FUT9: variants seen among roughly 807,000 people sequenced by gnomAD.
FUT9 encodes the protein fucosyltransferase 9, also known as 4-galactosyl-N-acetylglucosaminide 3-alpha-L-fucosyltransferase 9.
A neutral mutation model predicts 29.7 loss-of-function variants in FUT9; 15 were observed. The observed-to-expected ratio is 0.51, with a 90% CI of 0.34 to 0.78. FUT9 has a LOEUF of 0.78. Ranked by LOEUF, FUT9 falls within the 30% of genes least tolerant of loss-of-function variation. The pLI is 0.01. For synonymous variants in FUT9, 169 were observed against 153.7 expected (o/e 1.10, Z -0.74); for missense variants, 319 against 425.4 (o/e 0.75, Z 2.20).
At chr6:96,092,208 T>G (rs1263237280) in intron 1 of FUT9, among the ~76,000 whole-genome samples, 1 of 152,112 alleles carries the variant, frequency 6.6e-6, no homozygotes, top group Non-Finnish European at 1.5e-5. Context: ...AATATCGATC[T>G]AAACAGCAGG....
chr6:96,202,365 T>A (rs987793505), intron 2 of FUT9, among the ~76,000 whole-genome samples: 2 of 152,152 alleles, frequency 1.3e-5, no homozygotes, highest in Non-Finnish European at 2.9e-5. Context: ...AAAACTTTTT[T>A]AAAGCCCTTA....
chr6:96,062,305 A>G (rs1333207929), intron 1 of FUT9, among the ~76,000 whole-genome samples: 1 of 152,142 alleles, frequency 6.6e-6, no homozygotes, highest in East Asian at 1.9e-4. Flanking sequence ...AAAAAGATAT[A>G]GGAAGTAAAT....
chr6:96,156,299 C>A (rs924739117), intron 2 of FUT9, among the ~76,000 whole-genome samples: 3 of 152,074 alleles, frequency 2.0e-5, no homozygotes, highest in Admixed American at 6.6e-5. Context: ...CCCCTTGGAG[C>A]CTTTGGTTCA....
chr6:96,159,456 A>G (rs577377804), intron 2 of FUT9, among the ~76,000 whole-genome samples: 75 of 152,294 alleles, frequency 4.9e-4, no homozygotes, highest in African/African-American at 1.8e-3. Context: ...TAAATTATTA[A>G]GATGGGTTCT....
rs866791657 is a variant in FUT9, at chr6:96,035,665, T to C, written c.-98+19453T>C. Among the ~76,000 whole-genome samples the C allele has an allele frequency of 4.9e-5, 5 of 101,976 alleles. No homozygotes were observed. The East Asian group carries it at 1.3e-3, about 26-fold the overall frequency. 66.9% of individuals were successfully genotyped at this position (101,976 alleles called of 152,430 possible). On this transcript the variant is annotated intron_variant, in intron 1 of 2. Transcript: ENST00000302103. The stretch of plus-strand genomic sequence containing the variant: ...TATATTTATTATACTAATATAATAT[T>C]ATATTAAAATATAATATTATATTTA...
At chr6:96,060,209 G>T (rs1770848364) in intron 1 of FUT9, among the ~76,000 whole-genome samples, 1 of 151,910 alleles carries the variant, frequency 6.6e-6, no homozygotes, top group African/African-American at 2.4e-5. Context: ...CTCACTTATG[G>T]GGAGCCATCC....
chr6:96,044,111 A>C lies in FUT9; in HGVS notation c.-98+27899A>C, dbSNP rs530232116. ...ATGAAAGAACAAAAATACCATAGGCATTATAACTGACAAAATTTTTGTACA... is the reference window on the plus strand; with the variant it reads ...ATGAAAGAACAAAAATACCATAGGCCTTATAACTGACAAAATTTTTGTACA... On this transcript the variant is annotated intron_variant, in intron 1 of 2. Transcript: ENST00000302103. 1.7e-3 allele frequency among the ~76,000 whole-genome samples: 252 copies of C among 152,378 alleles called. 1 individual carries two copies. Among genetic ancestry groups the C allele is most frequent in the African/African-American group, 5.6e-3 (234 of 41,588 alleles).
At chr6:96,184,406 T>C (rs1355284122) in intron 2 of FUT9, among the ~76,000 whole-genome samples, 2 of 151,990 alleles carry the variant, frequency 1.3e-5, no homozygotes, top group Non-Finnish European at 2.9e-5. Context: ...TTTTTTGTTT[T>C]ATATATCTTT....
chr6:96,022,942 C>G (rs988752643), intron 1 of FUT9, among the ~76,000 whole-genome samples: 5 of 151,954 alleles, frequency 3.3e-5, no homozygotes, highest in Admixed American at 2.6e-4. Context: ...AAGCTGCTTA[C>G]GTTTTCCTGG....
intron 1 of FUT9, among the ~76,000 whole-genome samples, chr6:96,041,085 T>C (rs1770451568): frequency 6.6e-6 from 1 of 151,780 alleles, no homozygotes; most frequent in Admixed American, 6.6e-5. Context: ...TCCCGGTTTA[T>C]GCCTTTCCCC....
chr6:96,062,367 A>G (rs1770890608), intron 1 of FUT9, among the ~76,000 whole-genome samples: 1 of 30,818 alleles, frequency 3.2e-5, no homozygotes, highest in Non-Finnish European at 7.7e-5. Flanking sequence ...AATGATATTC[A>G]AGTTGATAAA....
chr6:96,197,215 G>A (rs939948939), intron 2 of FUT9, among the ~76,000 whole-genome samples: 4 of 152,142 alleles, frequency 2.6e-5, no homozygotes, highest in Non-Finnish European at 5.9e-5. Flanking sequence ...ACCCACTGCA[G>A]AAATGAATCA....
rs182559211 is a variant in FUT9, at chr6:96,058,971, A to G, written c.-98+42759A>G. Among the ~76,000 whole-genome samples the G allele has an allele frequency of 5.1e-3, 781 of 152,336 alleles. 6 individuals carry two copies. Among genetic ancestry groups the G allele is most frequent in the Non-Finnish European group, 5.7e-3 (387 of 68,028 alleles). ...ATCTGATGTATCACTTTAGAAAAAC[A>G]GTAATGGCAGTTGCATTTGCCAGGA... On this transcript the variant is annotated intron_variant, in intron 1 of 2. Transcript: ENST00000302103.
chr6:96,146,899 CCT>C (rs1772578111), intron 2 of FUT9, among the ~76,000 whole-genome samples: 1 of 152,148 alleles, frequency 6.6e-6, no homozygotes, highest in Admixed American at 6.5e-5. Flanking sequence ...CTGAAAATTC[CCT>C]GTCTTTGAAT....
intron 2 of FUT9, among the ~76,000 whole-genome samples, chr6:96,166,323 T>C (rs1353236469): frequency 1.3e-5 from 2 of 152,220 alleles, no homozygotes; most frequent in Non-Finnish European, 2.9e-5. Flanking sequence ...AGTCTATACA[T>C]TGTCAGTTGT....
At chr6:96,127,928 C>A (rs1037873881) in intron 2 of FUT9, among the ~76,000 whole-genome samples, 1 of 152,002 alleles carries the variant, frequency 6.6e-6, no homozygotes, top group Admixed American at 6.6e-5. Flanking sequence ...GGATATTAGA[C>A]CTTTATCAGA....
intron 2 of FUT9, among the ~76,000 whole-genome samples, chr6:96,197,631 C>T (rs180918432): frequency 1.3e-5 from 2 of 152,242 alleles, no homozygotes; most frequent in African/African-American, 4.8e-5. Context: ...TAATAGTACA[C>T]ATACACAAAA....
At chr6:96,198,294 A>G (rs1389189840) in intron 2 of FUT9, among the ~76,000 whole-genome samples, 3 of 141,880 alleles carry the variant, frequency 2.1e-5, no homozygotes, top group Non-Finnish European at 4.6e-5. Flanking sequence ...CAGTCCCCAG[A>G]GTGTGATGTT....
At chr6:96,133,529 C>G (rs1772290293) in intron 2 of FUT9, among the ~76,000 whole-genome samples, 1 of 151,820 alleles carries the variant, frequency 6.6e-6, no homozygotes, top group African/African-American at 2.4e-5. Context: ...GGAACCCTGA[C>G]CAAAATTATT....
Sources: allele counts gnomAD v4.1 joint callset (sites outside exome capture counted in the v4.1 genomes callset), GRCh38; gene constraint gnomAD v4.1.1; transcripts MANE v1.5; gene names NCBI Gene and HGNC (gene_info 2026-07-23, HGNC 2026-07-21).